The following COL25A1 variants were observed in gnomAD, a reference collection of about 807,000 sequenced individuals.
The protein encoded by COL25A1 is collagen type XXV alpha 1 chain, also known as collagen alpha-1(XXV) chain.
A neutral mutation model predicts 128.4 loss-of-function variants in COL25A1; 103 were observed. The observed-to-expected ratio is 0.80, with a 90% CI of 0.68 to 0.94. COL25A1 has a LOEUF of 0.94. Among genes scored for constraint, COL25A1 ranks in the 40% least tolerant of loss-of-function variants. The pLI, the probability that COL25A1 is intolerant of heterozygous loss-of-function variation, is 0.00. For missense variants in COL25A1, 745 were observed against 840.0 expected (o/e 0.89, Z 1.40); for synonymous variants, 279 against 277.2 (o/e 1.01, Z -0.06).
chr4:109,193,194 T>C (rs1437908632), intron 3 of COL25A1, among the ~76,000 whole-genome samples: 1 of 150,318 alleles, frequency 6.7e-6, no homozygotes, highest in African/African-American at 2.5e-5. Flanking sequence ...TTAGAAAGAG[T>C]AAAAGTTAAC....
At chr4:108,985,292 C>T (rs1753559330) in intron 6 of COL25A1, among the ~76,000 whole-genome samples, 1 of 152,204 alleles carries the variant, frequency 6.6e-6, no homozygotes, top group Non-Finnish European at 1.5e-5. Context: ...CTTGTCTCTT[C>T]AATCATTCCC....
chr4:108,948,039 C>A (rs1748983429), intron 8 of COL25A1, among the ~76,000 whole-genome samples: 4 of 152,060 alleles, frequency 2.6e-5, no homozygotes, highest in Admixed American at 2.6e-4. Flanking sequence ...GGCATGTGTG[C>A]AGCACAAATA....
chr4:109,069,967 A>AT (rs1762774410), intron 3 of COL25A1, among the ~76,000 whole-genome samples: 2 of 73,486 alleles, frequency 2.7e-5, no homozygotes, highest in African/African-American at 3.8e-5. Context: ...GAAGAGCAAT[A>AT]ATTTTTTTTT....
At chr4:108,938,856 C>CA (rs58365995) in intron 10 of COL25A1, among the ~76,000 whole-genome samples, 87 of 134,838 alleles carry the variant, frequency 6.5e-4, no homozygotes, top group African/African-American at 1.4e-3. Flanking sequence ...GACTCCGTCT[C>CA]AAAAAAAAAA....
intron 6 of COL25A1, among the ~76,000 whole-genome samples, chr4:108,991,192 T>A (rs953668186): frequency 2.6e-5 from 4 of 152,190 alleles, no homozygotes; most frequent in Admixed American, 2.6e-4. Context: ...TGCTACGTGT[T>A]ATTTACCTTT....
At chr4:109,180,607 A>G (rs1328786249) in intron 3 of COL25A1, among the ~76,000 whole-genome samples, 1 of 152,136 alleles carries the variant, frequency 6.6e-6, no homozygotes, top group African/African-American at 2.4e-5. Context: ...GATGATGATT[A>G]TATAAGGGCT....
At chr4:109,248,622 A>AAAGCC (rs1780441751) in intron 3 of COL25A1, among the ~76,000 whole-genome samples, 2 of 152,200 alleles carry the variant, frequency 1.3e-5, no homozygotes, top group Admixed American at 1.3e-4. Flanking sequence ...GCCATGCAGT[A>AAAGCC]AAGCCAAGCC....
intron 3 of COL25A1, among the ~76,000 whole-genome samples, chr4:109,260,016 A>G (rs1309587265): frequency 6.6e-6 from 1 of 152,234 alleles, no homozygotes; most frequent in Non-Finnish European, 1.5e-5. Context: ...TCAAATTTTT[A>G]CTGGAGAGCT....
chr4:109,094,000 T>C (rs2126012556), intron 3 of COL25A1, among the ~76,000 whole-genome samples: 1 of 152,262 alleles, frequency 6.6e-6, no homozygotes, highest in East Asian at 1.9e-4. Flanking sequence ...TTTATTAATA[T>C]TATATGACTA....
At chr4:108,842,904 G>A (rs906893421) in intron 30 of COL25A1, among the ~76,000 whole-genome samples, 1 of 152,026 alleles carries the variant, frequency 6.6e-6, no homozygotes, top group African/African-American at 2.4e-5. Flanking sequence ...TAGCACTTTG[G>A]GAGGCCAAAG....
intron 8 of COL25A1, among the ~76,000 whole-genome samples, chr4:108,964,926 T>G (rs900898457): frequency 6.6e-6 from 1 of 152,210 alleles, no homozygotes; most frequent in Non-Finnish European, 1.5e-5. Flanking sequence ...TTGTGTTATA[T>G]CCATTCCCTT....
chr4:109,246,707 A>G (rs1167400209), intron 3 of COL25A1, among the ~76,000 whole-genome samples: 2 of 152,100 alleles, frequency 1.3e-5, no homozygotes, highest in African/African-American at 2.4e-5. Context: ...ATATGATTCT[A>G]TTCTCTTTTT....
chr4:109,271,336 A>G (rs1226771263), intron 3 of COL25A1, among the ~76,000 whole-genome samples: 1 of 152,214 alleles, frequency 6.6e-6, no homozygotes, highest in Non-Finnish European at 1.5e-5. Context: ...ACTAAATTCT[A>G]CTTCACCTAG....
chr4:108,910,662 TG>T (rs1744097219), intron 13 of COL25A1, among the ~76,000 whole-genome samples: 3 of 152,230 alleles, frequency 2.0e-5, no homozygotes. Flanking sequence ...AGCTCTACTC[TG>T]TCACTAACAC....
intron 3 of COL25A1, among the ~76,000 whole-genome samples, chr4:109,193,959 A>G (rs2345415): frequency 0.5 from 75,701 of 152,084 alleles, 21,604 homozygotes; most frequent in Non-Finnish European, 0.65. Flanking sequence ...AGAAAGAGTT[A>G]AGGGATAAAG....
At chr4:108,834,303 A>G (rs1458415102) in intron 31 of COL25A1, 22 of 1,529,844 alleles carry the variant, frequency 1.4e-5, no homozygotes, top group Non-Finnish European at 1.9e-5. Flanking sequence ...GTGCTGAAGC[A>G]CATGATTCAC....
intron 3 of COL25A1, among the ~76,000 whole-genome samples, chr4:109,221,619 T>A (rs1181680140): frequency 6.6e-6 from 1 of 152,198 alleles, no homozygotes; most frequent in Non-Finnish European, 1.5e-5. Context: ...AATAACTCTT[T>A]AACACTTCTA....
At position 108,846,179 on chromosome 4, in the gene COL25A1, A is replaced by G. The variant is rs754942988; in HGVS notation, c.1475T>C (p.Met492Thr). Reference sequence around the variant, plus strand: ...TCCAATTCCTCCTTTTTCACCTGTCATACCTGGGTCCCCCATGTCTCCCTT... The same window carrying G: ...TCCAATTCCTCCTTTTTCACCTGTCGTACCTGGGTCCCCCATGTCTCCCTT... ...GSKGDMGDPG[M>T]TGEKGGIGLP... The change falls in exon 28 of 38, where the codon ATG (methionine) becomes ACG (threonine). Residue 492 changes from methionine to threonine, a missense_variant. By Grantham distance (81) the Met-to-Thr change is moderately conservative (BLOSUM62 -1). This residue lies in a region of COL25A1 where 387 missense variants were observed against 441.9 expected (regional missense o/e 0.88). Coordinates refer to ENST00000399132, the MANE Select transcript of COL25A1 (RefSeq NM_198721.4). The G allele has an allele frequency of 1.5e-5, 25 of 1,613,194 alleles. No individual in the cohort carries two copies. In the South Asian group the frequency reaches 2.6e-4, roughly 17 times the overall value.
At chr4:109,197,855 T>A (rs908917498) in intron 3 of COL25A1, among the ~76,000 whole-genome samples, 2 of 152,062 alleles carry the variant, frequency 1.3e-5, no homozygotes, top group African/African-American at 4.8e-5. Flanking sequence ...CATTTTATAT[T>A]CAATAAAATT....
Sources: allele counts gnomAD v4.1 joint callset (sites outside exome capture counted in the v4.1 genomes callset), GRCh38; gene constraint gnomAD v4.1.1; regional missense constraint gnomAD v4.1.1; transcripts MANE v1.5; gene names NCBI Gene and HGNC (gene_info 2026-07-23, HGNC 2026-07-21).